Variants in MTERF3 observed in about 807,000 individuals in gnomAD.
MTERF3 encodes mitochondrial transcription termination factor 3.
In MTERF3, 40 loss-of-function variants were observed where a neutral mutation model predicts 40.5. That is an observed-to-expected ratio of 0.99 (90% CI 0.77 to 1.29). The LOEUF (loss-of-function observed/expected upper bound fraction) is 1.29, where lower values mean the gene tolerates loss of function less well. Ranked by LOEUF, MTERF3 falls within the 50% of genes most tolerant of loss-of-function variation. The probability of loss-of-function intolerance (pLI) is 0.00; values close to 1 mark genes in which losing one functional copy is unlikely to be tolerated. For synonymous variants in MTERF3, 158 were observed against 166.6 expected, an observed-to-expected ratio of 0.95 and a Z score of 0.40; for missense variants, 452 against 478.2, an observed-to-expected ratio of 0.95 and a Z score of 0.51.
At chr8:96,250,794 T>G in intron 4 of MTERF3, 112 bp downstream of exon 4, 1 of 1,010,622 alleles carries the variant, frequency 9.9e-7, no homozygotes, top group Non-Finnish European at 1.4e-6. Context: ...CAAAAAAAAT[T>G]CATGTTATCT....
intron 1 of MTERF3, among the ~76,000 whole-genome samples, chr8:96,259,883 C>T (rs1221867671): frequency 6.6e-6 from 1 of 151,738 alleles, no homozygotes; most frequent in African/African-American, 2.4e-5. Context: ...TCCTTTCATT[C>T]TGCAATTATT....
At chr8:96,239,918 T>C in intron 7 of MTERF3, 1 of 668,574 alleles carries the variant, frequency 1.5e-6, no homozygotes, top group Non-Finnish European at 2.7e-6. Context: ...GGCTATACTG[T>C]GTGCAAAGAA....
At chr8:96,242,706 G>A (rs146657173) in intron 7 of MTERF3, among the ~76,000 whole-genome samples, 9 of 152,206 alleles carry the variant, frequency 5.9e-5, no homozygotes, top group East Asian at 1.9e-4. Context: ...TTCTCCTACC[G>A]CTTCTAAATC....
intron 3 of MTERF3, 26 bp downstream of exon 3, chr8:96,256,936 A>T (rs977140103): frequency 3.2e-6 from 5 of 1,576,104 alleles, no homozygotes; most frequent in Non-Finnish European, 4.3e-6. Flanking sequence ...ACATGCAAAA[A>T]GTACTTGTAG....
chr8:96,252,474 A>C lies in MTERF3; in HGVS notation c.488-1379T>G, dbSNP rs568922494. ...ACGTTTAACTACAGAATAGTATAAA[A>C]CCTAGTGTAGAAAAAGGTCTGGAAA... On this transcript the variant is annotated intron_variant, in intron 3 of 7. Transcript: ENST00000287025. Among the ~76,000 whole-genome samples, 14 of 152,354 alleles carry C rather than the reference A, an allele frequency of 9.2e-5. No homozygotes were observed. The South Asian group carries it at 2.9e-3, about 32-fold the overall frequency.
chr8:96,241,309 CT>C (rs2129866121), intron 7 of MTERF3, among the ~76,000 whole-genome samples: 1 of 151,872 alleles, frequency 6.6e-6, no homozygotes, highest in South Asian at 2.1e-4. Context: ...ACTCAGGAGG[CT>C]GAGTCAGAAG....
Position 96,239,619 on chromosome 8 carries a change from G to A in MTERF3, c.1126C>T (p.Gln376Ter), listed in dbSNP as rs778086533. 1.3e-5 allele frequency: 21 copies of A among 1,611,718 alleles called. No individual in the cohort carries two copies. The highest frequency in any genetic ancestry group is 1.0e-4 in the Admixed American group (6 of 59,272). ...HLFLTYLGRA[Q>*]YDPAKPNYIS... ...TAGTTAGGTTTTGCTGGATCATACT[G>A]TGCTCTTCCTAAATAGGTAAGAAAC... The change falls in exon 8 of 8, where the codon CAG becomes TAG. Residue 376 changes from glutamine (Q) to a stop codon, truncating the protein, a stop_gained. Coordinates refer to ENST00000287025, the MANE Select transcript of MTERF3 (RefSeq NM_015942.5). LOFTEE classifies it high-confidence loss of function.
intron 4 of MTERF3, among the ~76,000 whole-genome samples, chr8:96,249,726 C>T (rs1461125890): frequency 1.3e-5 from 2 of 152,066 alleles, no homozygotes; most frequent in Admixed American, 1.3e-4. Context: ...ATTAGGAGAC[C>T]ATTGCAGTAA....
Position 96,244,081 on chromosome 8 carries a change from C to A in MTERF3, c.898-1G>T. 1 of 1,607,386 alleles carries A rather than the reference C, an allele frequency of 6.2e-7. No homozygotes were observed. Among genetic ancestry groups the A allele is most frequent in the African/African-American group, 1.3e-5 (1 of 74,632 alleles). On this transcript the variant is annotated splice_acceptor_variant, in intron 6 of 7. Coordinates refer to ENST00000287025, the MANE Select transcript of MTERF3 (RefSeq NM_015942.5). LOFTEE classifies it high-confidence loss of function. The stretch of plus-strand genomic sequence containing the variant: ...TAAAACCAAGTTCAAGACGATAAAC[C>A]TAAAAGAAAGTAAATTTGCTATGAA...
intron 3 of MTERF3, 102 bp from the exon 4 acceptor site, chr8:96,251,197 C>T: frequency 2.4e-6 from 2 of 837,934 alleles, no homozygotes; most frequent in South Asian, 2.2e-5. Context: ...CAACACCTAT[C>T]CAAAGGAGCA....
At chr8:96,251,198 C>A in intron 3 of MTERF3, 103 bp from the exon 4 acceptor site, 2 of 814,282 alleles carry the variant, frequency 2.5e-6, no homozygotes, top group East Asian at 3.0e-5. Flanking sequence ...AACACCTATC[C>A]AAAGGAGCAC....
At chr8:96,249,738 C>T (rs1370673681) in intron 4 of MTERF3, among the ~76,000 whole-genome samples, 2 of 152,074 alleles carry the variant, frequency 1.3e-5, no homozygotes, top group African/African-American at 4.8e-5. Context: ...TTGCAGTAAT[C>T]TTGGTGTGAT....
At chr8:96,250,016 T>C (rs1810094926) in intron 4 of MTERF3, among the ~76,000 whole-genome samples, 1 of 152,214 alleles carries the variant, frequency 6.6e-6, no homozygotes, top group African/African-American at 2.4e-5. Flanking sequence ...TGCCTTGTTC[T>C]CTGTGGTATT....
intron 7 of MTERF3, among the ~76,000 whole-genome samples, chr8:96,241,753 A>C (rs774269335): frequency 1.3e-5 from 2 of 152,146 alleles, no homozygotes; most frequent in Non-Finnish European, 2.9e-5. Flanking sequence ...TTAATGACAT[A>C]TTAAATTCTT....
chr8:96,258,282 G>A, intron 2 of MTERF3, 75 bp downstream of exon 2: 2 of 1,468,072 alleles, frequency 1.4e-6, no homozygotes, highest in Non-Finnish European at 1.8e-6. Flanking sequence ...AAATGGGCTA[G>A]CAGAAGGTAA....
chr8:96,253,342 G>C (rs1180308572), intron 3 of MTERF3, among the ~76,000 whole-genome samples: 1 of 152,140 alleles, frequency 6.6e-6, no homozygotes, highest in Non-Finnish European at 1.5e-5. Flanking sequence ...TGTTGTCATG[G>C]AGTGAGGCAG....
intron 6 of MTERF3, among the ~76,000 whole-genome samples, chr8:96,245,382 C>T (rs1568224): frequency 0.99 from 150,874 of 152,308 alleles, 74,815 homozygotes; most frequent in Middle Eastern, 1. Flanking sequence ...AGAATGAGAG[C>T]TGGCAATTGG....
At chr8:96,250,616 A>AGGAG (rs1491373525) in intron 4 of MTERF3, among the ~76,000 whole-genome samples, 1 of 4,050 alleles carries the variant, frequency 2.5e-4, no homozygotes, top group Admixed American at 2.1e-3. Context: ...AGGCTGAGGC[A>AGGAG]GAAGAAGAAG....
Position 96,246,296 on chromosome 8 carries a change from CT to C in MTERF3, c.825+10del. 1 of 1,585,136 alleles carries C rather than the reference CT, an allele frequency of 6.3e-7. No homozygotes were observed. On this transcript the variant is annotated intron_variant, in intron 5 of 7. Transcript: ENST00000287025. ...GACATGGAAATAAACAAATTCTCTC[CT>C]TTTCTTTACCTTCTTCACACTAAGT...
Sources: allele counts gnomAD v4.1 joint callset (sites outside exome capture counted in the v4.1 genomes callset), GRCh38; gene constraint gnomAD v4.1.1; transcripts MANE v1.5; gene names NCBI Gene and HGNC (gene_info 2026-07-23, HGNC 2026-07-21).